Variants in NRG3 observed in about 807,000 individuals in gnomAD.
The protein encoded by NRG3 is pro-neuregulin-3, membrane-bound isoform.
In NRG3, 31 loss-of-function variants were observed where a neutral mutation model predicts 66.9. The ratio of observed to expected loss-of-function variants is 0.46; its 90% CI spans 0.35 to 0.63. The LOEUF is 0.63. Among genes scored for constraint, NRG3 ranks in the 20% least tolerant of loss-of-function variants. NRG3 has a pLI of 0.00. For missense variants in NRG3, 910 were observed against 878.9 expected (o/e 1.04, Z -0.45); for synonymous variants, 393 against 359.4 (o/e 1.09, Z -1.06).
Position 82,155,201 on chromosome 10 carries a change from G to A in NRG3, c.824-203538G>A, listed in dbSNP as rs143315068. Among the ~76,000 whole-genome samples the A allele has an allele frequency of 4.2e-3, 633 of 151,784 alleles. 3 individuals carry two copies. Among genetic ancestry groups the A allele is most frequent in the African/African-American group, 0.014 (597 of 41,512 alleles). On this transcript the variant is annotated intron_variant, in intron 1 of 8. Transcript: ENST00000372141. Reference sequence around the variant, plus strand: ...GCCATTAGCTAGTTTCCCAATCAGAGCACGTTTTCACCTGTGCTCTTTAAA... The same window carrying A: ...GCCATTAGCTAGTTTCCCAATCAGAACACGTTTTCACCTGTGCTCTTTAAA...
chr10:82,980,137 G>T (rs1329295170), intron 8 of NRG3, among the ~76,000 whole-genome samples: 1 of 151,938 alleles, frequency 6.6e-6, no homozygotes, highest in East Asian at 1.9e-4. Context: ...CCTCAGAGGT[G>T]GAGGCTATAC....
At chr10:82,493,555 T>C (rs1399434632) in intron 2 of NRG3, among the ~76,000 whole-genome samples, 1 of 152,188 alleles carries the variant, frequency 6.6e-6, no homozygotes, top group Non-Finnish European at 1.5e-5. Flanking sequence ...GTTAATTCTG[T>C]GTCTTTGCTG....
chr10:82,691,735 G>A (rs969947149), intron 2 of NRG3, among the ~76,000 whole-genome samples: 1 of 152,096 alleles, frequency 6.6e-6, no homozygotes, highest in Non-Finnish European at 1.5e-5. Context: ...TACTTGCACT[G>A]TCTTGTTTAA....
intron 1 of NRG3, among the ~76,000 whole-genome samples, chr10:82,183,874 T>A (rs1320079625): frequency 6.6e-6 from 1 of 152,098 alleles, no homozygotes; most frequent in Non-Finnish European, 1.5e-5. Flanking sequence ...AAGATGGTTA[T>A]CTCCTCCGCA....
chr10:82,903,055 A>C (rs1844386674), intron 4 of NRG3, among the ~76,000 whole-genome samples: 1 of 152,114 alleles, frequency 6.6e-6, no homozygotes, highest in Admixed American at 6.6e-5. Flanking sequence ...AATATGCACA[A>C]ATTTACTATA....
Position 81,911,603 on chromosome 10 carries a change from G to GGTT in NRG3, c.823+35440_823+35441insGTT, listed in dbSNP as rs1306854861. ...TGTCTTCACCCTCTAGCACAGACTT[G>GGTT]TTTTTTTTTTTTTTTTTTTTTTTTT... is the stretch of plus-strand genomic sequence containing the variant. On this transcript the variant is annotated intron_variant, in intron 1 of 8. Transcript: ENST00000372141. 1.7e-3 allele frequency among the ~76,000 whole-genome samples: 130 copies of GGTT among 77,948 alleles called. 4 individuals are homozygous for GGTT. Among genetic ancestry groups the GGTT allele is most frequent in the East Asian group, 7.0e-3 (16 of 2,270 alleles). 51.1% of individuals were successfully genotyped at this position (77,948 alleles called of 152,430 possible).
Position 82,647,936 on chromosome 10 carries a change from T to G in NRG3, c.954-90641T>G, listed in dbSNP as rs1249232472. Among the ~76,000 whole-genome samples, 32 of 147,958 alleles carry G rather than the reference T, an allele frequency of 2.2e-4. No homozygotes were observed. The East Asian group carries it at 6.1e-3, about 28-fold the overall frequency. On this transcript the variant is annotated intron_variant, in intron 2 of 8. Coordinates refer to ENST00000372141, the MANE Select transcript of NRG3 (RefSeq NM_001010848.4). ...GTCAGATGAGTAGGTTGCGAAAATT[T>G]TCTCCCATTTTGTAGGTTGCCTGTT...
At chr10:82,156,965 A>G (rs1590340391) in intron 1 of NRG3, among the ~76,000 whole-genome samples, 1 of 151,724 alleles carries the variant, frequency 6.6e-6, no homozygotes, top group African/African-American at 2.4e-5. Flanking sequence ...TTATTGCTTA[A>G]TTTTCTCTAA....
At chr10:82,083,359 A>C (rs2065507663) in intron 1 of NRG3, among the ~76,000 whole-genome samples, 2 of 152,078 alleles carry the variant, frequency 1.3e-5, no homozygotes, top group Admixed American at 1.3e-4. Flanking sequence ...GAAGTAATTT[A>C]AGGAAGATGT....
chr10:82,456,892 G>T (rs552038765), intron 2 of NRG3, among the ~76,000 whole-genome samples: 3 of 152,154 alleles, frequency 2.0e-5, no homozygotes, highest in Non-Finnish European at 2.9e-5. Context: ...TTTGGTCCAC[G>T]CCAGCATCCT....
chr10:82,536,769 T>A (rs1292568182), intron 2 of NRG3, among the ~76,000 whole-genome samples: 1 of 152,096 alleles, frequency 6.6e-6, no homozygotes, highest in East Asian at 1.9e-4. Context: ...TGTTGGCTGA[T>A]TAATCAGAGG....
chr10:82,903,939 G>A (rs1307686259), intron 4 of NRG3, among the ~76,000 whole-genome samples: 1 of 152,156 alleles, frequency 6.6e-6, no homozygotes, highest in East Asian at 1.9e-4. Flanking sequence ...AAGCAGTGAA[G>A]TCTGGACTTA....
chr10:82,346,002 A>G (rs921017995), intron 1 of NRG3, among the ~76,000 whole-genome samples: 3 of 152,168 alleles, frequency 2.0e-5, no homozygotes, highest in Non-Finnish European at 2.9e-5. Context: ...CAATCATGTC[A>G]TCTGCAAACA....
chr10:81,910,774 C>A (rs982766055), intron 1 of NRG3, among the ~76,000 whole-genome samples: 1 of 152,078 alleles, frequency 6.6e-6, no homozygotes, highest in Non-Finnish European at 1.5e-5. Context: ...ATGTCTGTCT[C>A]CTGAGTAGCT....
intron 1 of NRG3, among the ~76,000 whole-genome samples, chr10:82,052,205 G>T (rs1244745613): frequency 1.3e-5 from 2 of 152,054 alleles, no homozygotes; most frequent in Non-Finnish European, 2.9e-5. Flanking sequence ...AATGCATGTA[G>T]TTGTGATCTA....
At chr10:82,412,652 C>A (rs370958745) in intron 2 of NRG3, among the ~76,000 whole-genome samples, 1 of 152,262 alleles carries the variant, frequency 6.6e-6, no homozygotes, top group Admixed American at 6.5e-5. Flanking sequence ...CAAAATATTT[C>A]TCTGTAGCAT....
chr10:82,704,353 C>T (rs2056129898), intron 2 of NRG3, among the ~76,000 whole-genome samples: 1 of 152,144 alleles, frequency 6.6e-6, no homozygotes, highest in Non-Finnish European at 1.5e-5. Flanking sequence ...GACTTCTGTC[C>T]ACCTTGATAT....
chr10:82,629,686 G>A (rs1450134720), intron 2 of NRG3, among the ~76,000 whole-genome samples: 2 of 152,158 alleles, frequency 1.3e-5, no homozygotes, highest in Admixed American at 1.3e-4. Context: ...GTTACACAGA[G>A]CTTTCACATA....
rs1251989505 is a variant in NRG3 at position 82,221,884 on chromosome 10, C to T, written c.824-136855C>T. Among the ~76,000 whole-genome samples, 4 of 152,096 alleles carry T rather than the reference C, an allele frequency of 2.6e-5. No homozygotes were observed. The East Asian group carries it at 7.8e-4, about 30-fold the overall frequency. On this transcript the variant is annotated intron_variant, in intron 1 of 8. Transcript: ENST00000372141. ...TTCTAGTTAGATAGGAAGAGAAACA[C>T]AAATACATTCTCCCTCGGGACGGAC... is the stretch of plus-strand genomic sequence containing the variant.
Sources: allele counts gnomAD v4.1 joint callset (sites outside exome capture counted in the v4.1 genomes callset), GRCh38; gene constraint gnomAD v4.1.1; transcripts MANE v1.5; gene names NCBI Gene and HGNC (gene_info 2026-07-23, HGNC 2026-07-21).